TEP1: variants seen among roughly 807,000 people sequenced by gnomAD.
The protein encoded by TEP1 is telomerase protein component 1.
In TEP1, 241 loss-of-function variants were observed where a neutral mutation model predicts 306.3. That is an observed-to-expected ratio of 0.79 (90% CI 0.71 to 0.88). TEP1 has a LOEUF of 0.88. Ranked by LOEUF, TEP1 falls within the 40% of genes least tolerant of loss-of-function variation. TEP1 has a pLI of 0.00. For synonymous variants in TEP1, 1,289 were observed against 1,305.5 expected (o/e 0.99, Z 0.27); for missense variants, 3,051 against 3,276.1 (o/e 0.93, Z 1.68).
In TEP1 at chr14:20,386,111, G is replaced by A. The variant is rs767620487; in HGVS notation, c.2946C>T (p.Pro982=). ...ILGSRYGYIP[P]SYNLPDHPHF... ...GTGGATGGTCAGGAAGGTTGTAGCT[G>A]GGGGGAATGTATCCATAACGGGAGC... is the stretch of plus-strand genomic sequence containing the variant. The change falls in exon 20 of 55, where the codon CCC becomes CCT. Residue 982 remains proline, a synonymous_variant. Coordinates refer to ENST00000262715, the MANE Select transcript of TEP1 (RefSeq NM_007110.5). 1.9e-6 allele frequency: 3 copies of A among 1,612,438 alleles called. No individual in the cohort carries two copies. The highest frequency in any genetic ancestry group is 2.2e-5 in the East Asian group (1 of 44,764).
Position 20,368,467 on chromosome 14 carries a change from C to T in TEP1, c.7854G>A (p.Gln2618=), listed in dbSNP as rs767198042. The change falls in exon 55 of 55, where the codon CAG becomes CAA. Residue 2618 remains glutamine (Q), a synonymous_variant. Transcript: ENST00000262715. ...STLQLAVGDV[Q]GNVYFLNWE is the part of the protein sequence containing the mutation. ...CCCAATTCAGAAAGTACACATTGCC[C>T]TGCACGTCTCCCACGGCAAGCTGCA... is the stretch of plus-strand genomic sequence containing the variant. 19 of 1,614,170 alleles carry T rather than the reference C, an allele frequency of 1.2e-5. No individual in the cohort carries two copies. The highest frequency in any genetic ancestry group is 1.6e-5 in the Non-Finnish European group (19 of 1,180,032).
chr14:20,377,092 G>A (rs548838442), intron 41 of TEP1, among the ~76,000 whole-genome samples, 188 bp downstream of exon 41: 56 of 152,214 alleles, frequency 3.7e-4, no homozygotes, highest in African/African-American at 1.3e-3. Context: ...GCGCATGCCT[G>A]TAATCCCAGC....
chr14:20,391,005 T>C lies in TEP1; in HGVS notation c.2189A>G (p.Lys730Arg), dbSNP rs367573858. Residue 730 changes from lysine to arginine, a missense_variant, in exon 14 of 55, where the codon AAG becomes AGG. Transcript: ENST00000262715. ...TTCTTCTGCCTTAAGCACTGCAGTC[T>C]TCAGAGTGTCACCTCCACACAGCAC... The part of the protein sequence containing the change: ...DVVLCGGDTL[K>R]TAVLKAEEGI... 6 of 1,613,988 alleles carry C rather than the reference T, an allele frequency of 3.7e-6. 1 individual carries two copies. In the African/African-American group the frequency reaches 8.0e-5, roughly 22 times the overall value.
intron 7 of TEP1, among the ~76,000 whole-genome samples, 191 bp from the exon 8 acceptor site, chr14:20,401,772 G>T (rs751252366): frequency 6.6e-6 from 1 of 152,186 alleles, no homozygotes; most frequent in East Asian, 1.9e-4. Flanking sequence ...AAGCAGCACA[G>T]GATGGCAACT....
rs552396370 is a variant in TEP1, at chr14:20,377,166, G to A, written c.6088+114C>T. ...GGAGGCAGAAGTTGCAGTGAGCCGA[G>A]ACCGTACCACTGCACTCTAGCCTGG... On this transcript the variant is annotated intron_variant, in intron 41 of 54. Coordinates refer to ENST00000262715, the MANE Select transcript of TEP1 (RefSeq NM_007110.5). 10 of 868,138 alleles carry A rather than the reference G, an allele frequency of 1.2e-5. No individual in the cohort carries two copies. In the African/African-American group the frequency reaches 1.2e-4, roughly 10 times the overall value. The allele number at this position is 868,138 out of a possible 1,614,324, so 53.8% of individuals were successfully genotyped here.
At chr14:20,376,369 G>A in intron 41 of TEP1, 105 bp from the exon 42 acceptor site, 1 of 1,189,830 alleles carries the variant, frequency 8.4e-7, no homozygotes. Flanking sequence ...GGTGACACCT[G>A]AGGCTCAGCT....
At chr14:20,384,010 T>C (rs752921392) in intron 24 of TEP1, 28 bp downstream of exon 24, 1 of 1,587,508 alleles carries the variant, frequency 6.3e-7, no homozygotes, top group Admixed American at 1.7e-5. Context: ...CTTCCCTCCC[T>C]CCTGCCCAGG....
At chr14:20,389,201 A>G (rs764006091) in intron 17 of TEP1, 37 bp downstream of exon 17, 3 of 1,601,014 alleles carry the variant, frequency 1.9e-6, no homozygotes, top group East Asian at 2.2e-5. Flanking sequence ...ACTTTCCAAC[A>G]AAGTATCCAA....
rs1234073184 is a variant in TEP1 at position 20,401,271 on chromosome 14, G to A, written c.1392-130C>T. 7 of 1,382,356 alleles carry A rather than the reference G, an allele frequency of 5.1e-6. No homozygotes were observed. In the East Asian group the frequency reaches 1.7e-4, roughly 34 times the overall value. 85.6% of individuals were successfully genotyped at this position (1,382,356 alleles called of 1,614,324 possible). A position where few individuals can be genotyped will look rare whatever the true frequency, so the allele number is the denominator to read the frequency against. The stretch of plus-strand genomic sequence containing the variant: ...CCTAAAAATAACTCAGAAAAGGAAA[G>A]GTGAGTCATGTTTACAGGTGAGTCA... On this transcript the variant is annotated intron_variant, in intron 8 of 54. Coordinates refer to ENST00000262715, the MANE Select transcript of TEP1 (RefSeq NM_007110.5).
In TEP1 at chr14:20,380,329, G is replaced by C; in HGVS notation, c.4909C>G (p.Leu1637Val). Residue 1637 changes from leucine (L) to valine (V), a missense_variant, in exon 34 of 55, where the codon CTT becomes GTT. Physicochemically the swap from Leu to Val is conservative, Grantham distance 32. This residue lies in a region of TEP1 where 1,540 missense variants were observed against 1,705.9 expected (regional missense o/e 0.90). Coordinates refer to ENST00000262715, the MANE Select transcript of TEP1 (RefSeq NM_007110.5). ...GAGAGCAGCGAGGCTTGGTGGCAAAGAGGTGAGTCCAGGGGCTGGTTGGCT... is the reference window on the plus strand; with the variant it reads ...GAGAGCAGCGAGGCTTGGTGGCAAACAGGTGAGTCCAGGGGCTGGTTGGCT... Reference protein sequence around the residue: ...QAANQPLDSPLCHQASLLSRR... With the variant: ...QAANQPLDSPVCHQASLLSRR... 1 of 1,614,218 alleles carries C rather than the reference G, an allele frequency of 6.2e-7. No individual in the cohort carries two copies. The highest frequency in any genetic ancestry group is 1.1e-5 in the South Asian group (1 of 91,086).
Position 20,407,925 on chromosome 14 carries a change from G to T in TEP1, c.515C>A (p.Pro172His). 6.2e-7 allele frequency: 1 copy of T among 1,613,460 alleles called. No homozygotes were observed. Among genetic ancestry groups the T allele is most frequent in the Non-Finnish European group, 8.5e-7 (1 of 1,179,720 alleles). Residue 172 changes from proline to histidine, a missense_variant, in exon 2 of 55, where the codon CCT (proline) becomes CAT (histidine). This residue lies in a region of TEP1 where 1,507 missense variants were observed against 1,550.5 expected (regional missense o/e 0.97). Coordinates refer to ENST00000262715, the MANE Select transcript of TEP1 (RefSeq NM_007110.5). ...FSKGLDLSTC[P>H]IALKSISATE... is the part of the protein sequence containing the mutation. ...GGCAGAGATGGATTTCAGGGCTATA[G>T]GGCAGGTTGAAAGGTCTAGTCCCTT...
chr14:20,389,427 G>C (rs1319449653), intron 16 of TEP1, 130 bp from the exon 17 acceptor site: 2 of 1,419,998 alleles, frequency 1.4e-6, no homozygotes, highest in Non-Finnish European at 2.0e-6. Context: ...GCTAGGGCTA[G>C]GGTGGACTCT....
rs12880583 is a variant in TEP1, at chr14:20,386,079, T to C, written c.2978A>G (p.His993Arg). ...SYNLPDHPHFHWAQQYPSGRS... is the reference protein window; with the variant it reads ...SYNLPDHPHFRWAQQYPSGRS... ...CTCCAAACCTGTCTGCCTTACCCAGTGGAAGTGTGGATGGTCAGGAAGGTT... is the reference window on the plus strand; with the variant it reads ...CTCCAAACCTGTCTGCCTTACCCAGCGGAAGTGTGGATGGTCAGGAAGGTT... Residue 993 changes from histidine to arginine, a missense_variant, in exon 20 of 55, where the codon CAC (histidine) becomes CGC (arginine). Transcript: ENST00000262715. The C allele has an allele frequency of 3.7e-6, 6 of 1,608,848 alleles. No homozygotes were observed. In the South Asian group the frequency reaches 4.4e-5, roughly 12 times the overall value.
At position 20,377,676 on chromosome 14, in the gene TEP1, C is replaced by T; in HGVS notation, c.5799G>A (p.Val1933=). The change falls in exon 40 of 55, where the codon GTG becomes GTA. Residue 1933 remains valine (V), a synonymous_variant. Transcript: ENST00000262715. The stretch of plus-strand genomic sequence containing the variant: ...CCCGATCACCATCTGGGCTGAGTGC[C>T]ACAGAGAGGGCAGGAGAGAGAGAAA... The part of the protein sequence containing the change: ...GSLSLSPALS[V]ALSPDGDRVA... The T allele has an allele frequency of 1.2e-6, 2 of 1,614,132 alleles. No individual in the cohort carries two copies. The highest frequency in any genetic ancestry group is 1.1e-5 in the South Asian group (1 of 91,090).
At position 20,403,820 on chromosome 14, in the gene TEP1, G is replaced by T; in HGVS notation, c.1097C>A (p.Thr366Lys). 6.2e-7 allele frequency: 1 copy of T among 1,614,124 alleles called. No individual in the cohort carries two copies. Among genetic ancestry groups the T allele is most frequent in the African/African-American group, 1.3e-5 (1 of 75,018 alleles). ...PLPACLRTAM[T>K]DKFAQFDEYQ... is the part of the protein sequence containing the mutation. Reference sequence around the variant, plus strand: ...CTCGTCAAACTGGGCAAATTTGTCCGTCATGGCAGTACGGAGACAGGCGGG... The same window carrying T: ...CTCGTCAAACTGGGCAAATTTGTCCTTCATGGCAGTACGGAGACAGGCGGG... The change falls in exon 6 of 55, where the codon ACG becomes AAG. Residue 366 changes from threonine (T) to lysine (K), a missense_variant. Transcript: ENST00000262715.
intron 40 of TEP1, 32 bp from the exon 41 acceptor site, chr14:20,377,524 C>T (rs1259055489): frequency 6.2e-7 from 1 of 1,612,202 alleles, no homozygotes; most frequent in African/African-American, 1.3e-5. Context: ...GGGAGTAAGA[C>T]ACTTGGGAAG....
chr14:20,390,852 T>C (rs1430410363), intron 14 of TEP1, 86 bp downstream of exon 14: 5 of 1,611,886 alleles, frequency 3.1e-6, no homozygotes, highest in South Asian at 1.1e-5. Flanking sequence ...GAACTGTGTA[T>C]TGTCTGTGCC....
In TEP1 at chr14:20,373,588, T is replaced by A. The variant is rs1038550246; in HGVS notation, c.6605-5A>T. 3 of 1,613,998 alleles carry A rather than the reference T, an allele frequency of 1.9e-6. No homozygotes were observed. The highest frequency in any genetic ancestry group is 4.5e-5 in the East Asian group (2 of 44,894). ...GCTCTGACCCAGGCTGTCCAGCTGA[T>A]AAGACACAGAGACTGAGTCAGAAGA... is the stretch of plus-strand genomic sequence containing the variant. On this transcript the variant is annotated splice_polypyrimidine_tract_variant and splice_region_variant and intron_variant, in intron 45 of 54. Coordinates refer to ENST00000262715, the MANE Select transcript of TEP1 (RefSeq NM_007110.5).
rs924295107 is a variant in TEP1 at position 20,373,873 on chromosome 14, C to T, written c.6472-63G>A. 6.3e-6 allele frequency: 10 copies of T among 1,575,606 alleles called. No individual in the cohort carries two copies. In the Admixed American group the frequency reaches 1.0e-4, roughly 16 times the overall value. On this transcript the variant is annotated intron_variant, in intron 44 of 54. Coordinates refer to ENST00000262715, the MANE Select transcript of TEP1 (RefSeq NM_007110.5). ...GAGCAGGACATGGGAAACAGAACTT[C>T]CTCCACAGAGGTGGGTGGAGCATTA...
Sources: allele counts gnomAD v4.1 joint callset (sites outside exome capture counted in the v4.1 genomes callset), GRCh38; gene constraint gnomAD v4.1.1; regional missense constraint gnomAD v4.1.1; transcripts MANE v1.5; gene names NCBI Gene and HGNC (gene_info 2026-07-23, HGNC 2026-07-21).